Variants in CASP14 observed in about 807,000 individuals in gnomAD.
CASP14 encodes the protein caspase 14, also known as caspase-14.
Under a neutral mutation model 28.4 loss-of-function variants are expected in CASP14, and 27 were observed. The observed-to-expected ratio is 0.95, with a 90% CI of 0.70 to 1.31. The LOEUF (loss-of-function observed/expected upper bound fraction) is 1.31. CASP14 is among the 50% of genes most tolerant of loss of function. The pLI, the probability that CASP14 is intolerant of heterozygous loss-of-function variation, is 0.00. For synonymous variants in CASP14, 115 were observed against 118.6 expected (o/e 0.97, Z 0.20); for missense variants, 323 against 312.8 (o/e 1.03, Z -0.25).
chr19:15,053,310 G>A (rs1487366797), intron 2 of CASP14, among the ~76,000 whole-genome samples, 172 bp from the exon 3 acceptor site: 5 of 152,016 alleles, frequency 3.3e-5, no homozygotes, highest in African/African-American at 1.2e-4. Context: ...GTCTCACTAT[G>A]TTGCCCAGGC....
Position 15,055,189 on chromosome 19 carries a change from A to G in CASP14, c.435A>G (p.Gly145=), listed in dbSNP as rs1179495382. Residue 145 remains glycine, a synonymous_variant, in exon 5 of 7, where the codon GGA becomes GGG. Transcript: ENST00000427043. Reference sequence around the variant, plus strand: ...GGGACCCCGGTGAAACAGTAGGTGGAGATGAGATTGTGATGGTCATCAAAG... The same window carrying G: ...GGGACCCCGGTGAAACAGTAGGTGGGGATGAGATTGTGATGGTCATCAAAG... ...EQRDPGETVG[G]DEIVMVIKDS... 1.2e-6 allele frequency: 2 copies of G among 1,614,076 alleles called. No individual in the cohort carries two copies. Among genetic ancestry groups the G allele is most frequent in the Non-Finnish European group, 1.7e-6 (2 of 1,179,994 alleles).
intron 2 of CASP14, 57 bp downstream of exon 2, chr19:15,052,335 A>T (rs1446452757): frequency 6.7e-7 from 1 of 1,486,810 alleles, no homozygotes; most frequent in East Asian, 2.6e-5. Flanking sequence ...GAAGGTGAGG[A>T]TTTTAATGTT....
Position 15,056,176 on chromosome 19 carries a change from C to T in CASP14, c.*87C>T. The T allele has an allele frequency of 1.8e-6, 2 of 1,092,404 alleles. No individual in the cohort carries two copies. The highest frequency in any genetic ancestry group is 2.7e-6 in the Non-Finnish European group (2 of 738,570). The allele number at this position is 1,092,404 out of a possible 1,614,324, so 67.7% of individuals were successfully genotyped here. A position where few individuals can be genotyped will look rare whatever the true frequency, so the allele number is the denominator to read the frequency against. ...GGCAGCTCTTACCTCTCCCCAAGATCTTCTGTTCCCAAGGCCAAATGGCAC... is the reference window on the plus strand; with the variant it reads ...GGCAGCTCTTACCTCTCCCCAAGATTTTCTGTTCCCAAGGCCAAATGGCAC... On this transcript the variant is annotated 3_prime_UTR_variant, in exon 7 of 7. Transcript: ENST00000427043.
intron 4 of CASP14, 60 bp from the exon 5 acceptor site, chr19:15,055,098 C>G: frequency 7.3e-7 from 1 of 1,361,506 alleles, no homozygotes; most frequent in Non-Finnish European, 1.1e-6. Flanking sequence ...AGCCACCCTG[C>G]CCAGCCCCTT....
At chr19:15,054,394 T>C (rs2046106069) in intron 4 of CASP14, among the ~76,000 whole-genome samples, 1 of 152,068 alleles carries the variant, frequency 6.6e-6, no homozygotes, top group Non-Finnish European at 1.5e-5. Context: ...CGTCGAGCAA[T>C]GTAACAAGAA....
intron 6 of CASP14, 44 bp downstream of exon 6, chr19:15,055,577 A>C: frequency 6.9e-7 from 1 of 1,439,132 alleles, no homozygotes. Context: ...CAGGCCAAGA[A>C]GGGTGCAGGC....
At position 15,052,137 on chromosome 19, in the gene CASP14, G is replaced by C. The variant is rs1426650029; in HGVS notation, c.-46-69G>C. 2.6e-6 allele frequency: 3 copies of C among 1,163,064 alleles called. No homozygotes were observed. The African/African-American group carries it at 4.8e-5, about 19-fold the overall frequency. The allele number at this position is 1,163,064 out of a possible 1,614,324, so 72.0% of individuals were successfully genotyped here. A position where few individuals can be genotyped will look rare whatever the true frequency, so the allele number is the denominator to read the frequency against. The stretch of plus-strand genomic sequence containing the variant: ...TGGTCTCAAAAATCCAGATACATAA[G>C]CCAGTTTGTCCCCTGAGCCCCTCGG... On this transcript the variant is annotated intron_variant, in intron 1 of 6. Transcript: ENST00000427043.
intron 2 of CASP14, 135 bp from the exon 3 acceptor site, chr19:15,053,347 A>G (rs551903700): frequency 4.7e-6 from 5 of 1,063,664 alleles, no homozygotes; most frequent in African/African-American, 1.6e-5. Flanking sequence ...GGCTCAAGCA[A>G]TCCTCCCACC....
At position 15,055,836 on chromosome 19, in the gene CASP14, C is replaced by T. The variant is rs1329575454; in HGVS notation, c.625-149C>T. 6.4e-6 allele frequency: 4 copies of T among 628,202 alleles called. No homozygotes were observed. In the South Asian group the frequency reaches 8.3e-5, roughly 13 times the overall value. 38.9% of individuals were successfully genotyped at this position (628,202 alleles called of 1,614,324 possible). ...TGCAAATTATTTAAAAAATGCCCAGCCAAGGATTCCATACAAACTATGGTA... is the reference window on the plus strand; with the variant it reads ...TGCAAATTATTTAAAAAATGCCCAGTCAAGGATTCCATACAAACTATGGTA... On this transcript the variant is annotated intron_variant, in intron 6 of 6. Coordinates refer to ENST00000427043, the MANE Select transcript of CASP14 (RefSeq NM_012114.3).
In CASP14 at chr19:15,052,213, C is replaced by T. The variant is rs372983776; in HGVS notation, c.-39C>T. The T allele has an allele frequency of 2.5e-5, 40 of 1,579,650 alleles. No individual in the cohort carries two copies. The highest frequency in any genetic ancestry group is 3.1e-5 in the Non-Finnish European group (36 of 1,164,542). On this transcript the variant is annotated 5_prime_UTR_variant, in exon 2 of 7. Transcript: ENST00000427043. ...TCTTCTCTTGACTCCAAGGATCAGA[C>T]AAGGGTGCTGAGAGCCGGGACTCAC...
Position 15,053,542 on chromosome 19 carries a change from G to C in CASP14, c.88G>C (p.Glu30Gln), listed in dbSNP as rs1168327421. The C allele has an allele frequency of 1.9e-6, 3 of 1,614,182 alleles. No individual in the cohort carries two copies. The Admixed American group carries it at 5.0e-5, about 27-fold the overall frequency. ...AATACTGTGTGTCACCAAAGCCCGG[G>C]AAGGTTCCGAAGAAGACCTGGATGC... ...ALILCVTKAR[E>Q]GSEEDLDALE... Residue 30 changes from glutamate to glutamine, a missense_variant, in exon 3 of 7, where the codon GAA becomes CAA. Glu to Gln is a conservative substitution (Grantham distance 29). Coordinates refer to ENST00000427043, the MANE Select transcript of CASP14 (RefSeq NM_012114.3).
chr19:15,054,959 A>G, intron 4 of CASP14, 199 bp from the exon 5 acceptor site: 1 of 548,180 alleles, frequency 1.8e-6, no homozygotes, highest in Non-Finnish European at 3.3e-6. Flanking sequence ...TCTTTTTAAG[A>G]GGCGACATCT....
intron 1 of CASP14, among the ~76,000 whole-genome samples, chr19:15,049,991 A>G (rs1382467916): frequency 2.0e-5 from 3 of 152,098 alleles, no homozygotes; most frequent in African/African-American, 7.2e-5. Context: ...AGTAAGAATC[A>G]AAAACACTGC....
At chr19:15,055,897 A>C (rs2046114840) in intron 6 of CASP14, 88 bp from the exon 7 acceptor site, 1 of 980,478 alleles carries the variant, frequency 1.0e-6, no homozygotes. Flanking sequence ...ATCTTAGGAC[A>C]AGAATACCCA....
chr19:15,055,201 G>A lies in CASP14; in HGVS notation c.447G>A (p.Val149=). The A allele has an allele frequency of 1.2e-6, 2 of 1,614,092 alleles. No homozygotes were observed. The highest frequency in any genetic ancestry group is 1.7e-6 in the Non-Finnish European group (2 of 1,180,008). Residue 149 remains valine (V), a synonymous_variant, in exon 5 of 7, where the codon GTG becomes GTA. Coordinates refer to ENST00000427043, the MANE Select transcript of CASP14 (RefSeq NM_012114.3). ...PGETVGGDEI[V]MVIKDSPQTI... is the part of the protein sequence containing the mutation. ...AAACAGTAGGTGGAGATGAGATTGT[G>A]ATGGTCATCAAAGACAGCCCACAAA...
At chr19:15,050,210 G>GAGAA (rs2046083246) in intron 1 of CASP14, among the ~76,000 whole-genome samples, 2 of 152,050 alleles carry the variant, frequency 1.3e-5, no homozygotes, top group East Asian at 3.9e-4. Flanking sequence ...AGGGACTGAG[G>GAGAA]CAGGATTCGG....
intron 4 of CASP14, 92 bp downstream of exon 4, chr19:15,054,050 T>C: frequency 9.6e-7 from 1 of 1,042,004 alleles, no homozygotes; most frequent in South Asian, 1.6e-5. Flanking sequence ...AGTGGCGGAA[T>C]CTCAACTCAC....
rs1316371310 is a variant in CASP14 at position 15,058,128 on chromosome 19, ACCTC to A, written c.*2042_*2045del. On this transcript the variant is annotated 3_prime_UTR_variant, in exon 7 of 7. Coordinates refer to ENST00000427043, the MANE Select transcript of CASP14 (RefSeq NM_012114.3). The stretch of plus-strand genomic sequence containing the variant: ...CCTCTCCCTTTACCCCTCTTCCACT[ACCTC>A]CCACCCCTACTTTTTCCAGAAAGCC... 2 of 150,478 alleles carry A rather than the reference ACCTC, an allele frequency of 1.3e-5. No individual in the cohort carries two copies. The highest frequency in any genetic ancestry group is 3.0e-5 in the Non-Finnish European group (2 of 67,632). 9.3% of individuals were successfully genotyped at this position (150,478 alleles called of 1,614,324 possible).
chr19:15,050,325 A>T (rs200156674), intron 1 of CASP14, among the ~76,000 whole-genome samples: 74,341 of 141,368 alleles, frequency 0.53, 18,586 homozygotes, highest in Middle Eastern at 0.6. Context: ...TGTGTGTGAG[A>T]GAGAGAGAGA....
Sources: gnomAD v4.1 joint callset for allele counts (sites outside exome capture counted in the v4.1 genomes callset) on GRCh38, gnomAD v4.1.1 for gene constraint, MANE v1.5 for transcripts, NCBI Gene and HGNC (gene_info 2026-07-23, HGNC 2026-07-21) for gene names.